RIPOR2: variants seen among roughly 807,000 people sequenced by gnomAD.
The protein encoded by RIPOR2 is rho family-interacting cell polarization regulator 2.
RIPOR2 carries 39 observed loss-of-function variants against 114.5 expected under a neutral mutation model. The ratio of observed to expected loss-of-function variants is 0.34; its 90% CI spans 0.26 to 0.44. The LOEUF (loss-of-function observed/expected upper bound fraction) is 0.44. Among genes scored for constraint, RIPOR2 ranks in the 20% least tolerant of loss-of-function variants. The pLI is 1.00. For missense variants in RIPOR2, 1,007 were observed against 1,255.1 expected (o/e 0.80, Z 2.99); for synonymous variants, 445 against 484.4 (o/e 0.92, Z 1.07).
chr6:24,956,903 G>A (rs650386), intron 1 of RIPOR2, among the ~76,000 whole-genome samples: 46,496 of 152,146 alleles, frequency 0.31, 7,908 homozygotes, highest in Non-Finnish European at 0.39. Flanking sequence ...TTTGCTGTGG[G>A]TGGATTCTCA....
At chr6:24,827,251 A>G (rs1234711957) in intron 18 of RIPOR2, among the ~76,000 whole-genome samples, 1 of 152,166 alleles carries the variant, frequency 6.6e-6, no homozygotes, top group African/African-American at 2.4e-5. Context: ...GGTTATGCAC[A>G]GACTCTCTCC....
At chr6:24,977,928 C>T (rs9358814) in intron 1 of RIPOR2, among the ~76,000 whole-genome samples, 27,184 of 151,946 alleles carry the variant, frequency 0.18, 3,159 homozygotes, top group East Asian at 0.56. Context: ...CAAAACTCCA[C>T]GGATATAGGG....
chr6:25,015,857 A>G (rs1466082734), intron 1 of RIPOR2: 2 of 140,030 alleles, frequency 1.4e-5, no homozygotes, highest in Admixed American at 1.5e-4. Context: ...GAAGTTAATC[A>G]TGGTTGGAAA....
chr6:24,964,145 C>T (rs1436841621), intron 1 of RIPOR2, among the ~76,000 whole-genome samples: 4 of 47,382 alleles, frequency 8.4e-5, no homozygotes, highest in Non-Finnish European at 1.6e-4. Flanking sequence ...TTGACATTGG[C>T]TCTGTGTGTG....
chr6:25,003,843 ATACT>A (rs1228244106), intron 1 of RIPOR2, among the ~76,000 whole-genome samples: 8 of 152,348 alleles, frequency 5.3e-5, no homozygotes, highest in African/African-American at 1.9e-4. Context: ...CAAACTTCAG[ATACT>A]TACTTGTTCA....
At chr6:24,878,439 A>G (rs1766018686) in intron 1 of RIPOR2, among the ~76,000 whole-genome samples, 2 of 152,186 alleles carry the variant, frequency 1.3e-5, no homozygotes, top group South Asian at 4.1e-4. Context: ...TTAGTATTCT[A>G]TCTTATTTTG....
chr6:24,834,677 G>A (rs904900418), intron 15 of RIPOR2, among the ~76,000 whole-genome samples: 5 of 152,088 alleles, frequency 3.3e-5, no homozygotes, highest in South Asian at 4.1e-4. Flanking sequence ...AGGCTGGAGC[G>A]CAGTGGTGCC....
chr6:24,886,199 T>C (rs1046635936), intron 1 of RIPOR2, among the ~76,000 whole-genome samples: 1 of 152,202 alleles, frequency 6.6e-6, no homozygotes, highest in African/African-American at 2.4e-5. Context: ...TGTATTTATA[T>C]ACATTTCCTC....
chr6:24,854,920 G>A (rs552168291), intron 8 of RIPOR2, among the ~76,000 whole-genome samples: 7 of 151,296 alleles, frequency 4.6e-5, no homozygotes, highest in Admixed American at 2.6e-4. Flanking sequence ...CCAGCTACTC[G>A]GGAGGCTGAG....
At chr6:24,957,498 G>A (rs1304238016) in intron 1 of RIPOR2, among the ~76,000 whole-genome samples, 2 of 152,176 alleles carry the variant, frequency 1.3e-5, no homozygotes, top group Non-Finnish European at 2.9e-5. Context: ...GGGTTCTGTG[G>A]GCTCTTAGTA....
In RIPOR2 at chr6:25,037,541, T is replaced by C. The variant is rs1035108278; in HGVS notation, c.76+4310A>G. On this transcript the variant is annotated intron_variant, in intron 1 of 13. Coordinates refer to the RIPOR2 transcript ENST00000510784. This position sits in a 1 kb window ranked among gnomAD's most constrained non-coding sequence, Gnocchi z 4.5. ...GTCCTTCTCCCGAATGTCTGCTCAG[T>C]ATCACACATGTGTGTCTTTGTAGTG... is the stretch of plus-strand genomic sequence containing the variant. Among the ~76,000 whole-genome samples, 7 of 152,230 alleles carry C rather than the reference T, an allele frequency of 4.6e-5. No individual in the cohort carries two copies. Among genetic ancestry groups the C allele is most frequent in the Non-Finnish European group, 1.0e-4 (7 of 68,038 alleles).
chr6:24,848,998 G>A (rs773952716), intron 11 of RIPOR2, among the ~76,000 whole-genome samples: 22 of 152,084 alleles, frequency 1.4e-4, no homozygotes, highest in African/African-American at 3.4e-4. Context: ...TCTGCCTCCC[G>A]GATTCAAGTG....
intron 1 of RIPOR2, among the ~76,000 whole-genome samples, chr6:24,933,769 A>T (rs1055303787): frequency 1.3e-5 from 2 of 152,184 alleles, no homozygotes; most frequent in African/African-American, 4.8e-5. Flanking sequence ...CCAGAATCTG[A>T]GTCTGAATCT....
intron 1 of RIPOR2, among the ~76,000 whole-genome samples, chr6:24,970,975 C>T (rs1773765009): frequency 6.6e-6 from 1 of 152,098 alleles, no homozygotes; most frequent in African/African-American, 2.4e-5. Flanking sequence ...GTGCTAGTGA[C>T]AGAAATAAAT....
chr6:25,031,702 TATATATATATATA>T (rs1776956467), intron 1 of RIPOR2, among the ~76,000 whole-genome samples: 1 of 1,404 alleles, frequency 7.1e-4, no homozygotes, highest in African/African-American at 1.5e-3. Context: ...GTGGTAGTTA[TATATATATATATA>T]TATATATATA....
intron 8 of RIPOR2, among the ~76,000 whole-genome samples, chr6:24,859,307 ACT>A (rs1418294206): frequency 1.3e-5 from 2 of 152,018 alleles, no homozygotes; most frequent in African/African-American, 2.4e-5. Flanking sequence ...AGGCTGCGAG[ACT>A]CTGCGACTGT....
At chr6:24,903,764 T>C (rs752468148) in intron 1 of RIPOR2, among the ~76,000 whole-genome samples, 1 of 152,166 alleles carries the variant, frequency 6.6e-6, no homozygotes, top group Non-Finnish European at 1.5e-5. Flanking sequence ...TTCTGATGCC[T>C]CTCCCCTACC....
chr6:25,033,511 T>C (rs1777099274), intron 1 of RIPOR2, among the ~76,000 whole-genome samples: 1 of 152,208 alleles, frequency 6.6e-6, no homozygotes. Context: ...GTGAGTGATA[T>C]TTAAAAACCA....
At chr6:24,836,184 T>C (rs1335670129) in intron 14 of RIPOR2, 1 of 302,834 alleles carries the variant, frequency 3.3e-6, no homozygotes, top group African/African-American at 2.1e-5. Context: ...TGTTGCACTT[T>C]CCTGCTCTGT....
Sources: allele counts gnomAD v4.1 joint callset (sites outside exome capture counted in the v4.1 genomes callset), GRCh38; gene constraint gnomAD v4.1.1; non-coding constraint Gnocchi (gnomAD v3.1); transcripts MANE v1.5; gene names NCBI Gene and HGNC (gene_info 2026-07-23, HGNC 2026-07-21).